Variants in CACNA2D3 observed in about 807,000 individuals in gnomAD.
CACNA2D3 encodes voltage-dependent calcium channel subunit alpha-2/delta-3.
CACNA2D3 carries 60 observed loss-of-function variants against 160.6 expected under a neutral mutation model. The observed-to-expected ratio is 0.37, with a 90% confidence interval of 0.30 to 0.46. CACNA2D3 has a LOEUF of 0.46. Among genes scored for constraint, CACNA2D3 ranks in the 20% least tolerant of loss-of-function variants. The pLI is 1.00. For missense variants in CACNA2D3, 1,205 were observed against 1,365.0 expected, an observed-to-expected ratio of 0.88 and a Z score of 1.85; for synonymous variants, 558 against 492.9, an observed-to-expected ratio of 1.13 and a Z score of -1.75.
chr3:54,831,875 T>A (rs532217367), intron 14 of CACNA2D3, among the ~76,000 whole-genome samples: 2 of 152,110 alleles, frequency 1.3e-5, no homozygotes, highest in Non-Finnish European at 2.9e-5. Context: ...AGAAAACTTA[T>A]TGGCTCAGGC....
intron 13 of CACNA2D3, among the ~76,000 whole-genome samples, chr3:54,789,571 A>G (rs1317838): frequency 0.043 from 6,584 of 152,280 alleles, 229 homozygotes; most frequent in Non-Finnish European, 0.062. Context: ...GGGAAAATCC[A>G]TGAAGCTATT....
At chr3:55,070,163 CTT>C (rs1440318936) in intron 35 of CACNA2D3, among the ~76,000 whole-genome samples, 1 of 152,122 alleles carries the variant, frequency 6.6e-6, no homozygotes, top group Admixed American at 6.5e-5. Flanking sequence ...AAACTACAGT[CTT>C]TTATGAGGGG....
intron 11 of CACNA2D3, among the ~76,000 whole-genome samples, chr3:54,661,891 T>TGTGTG (rs1575411653): frequency 1.4e-5 from 2 of 144,980 alleles, no homozygotes; most frequent in East Asian, 2.0e-4. Context: ...TGTGTGTGTG[T>TGTGTG]TAAAAAGATA....
intron 6 of CACNA2D3, among the ~76,000 whole-genome samples, chr3:54,563,790 A>C (rs1285454418): frequency 2.0e-5 from 3 of 152,130 alleles, no homozygotes; most frequent in Non-Finnish European, 2.9e-5. Context: ...AAGACTAGGC[A>C]CCTGATGCCT....
At chr3:54,231,721 GAAT>G (rs2107393379) in intron 2 of CACNA2D3, among the ~76,000 whole-genome samples, 1 of 152,330 alleles carries the variant, frequency 6.6e-6, no homozygotes, top group African/African-American at 2.4e-5. Flanking sequence ...TTGAATGAAT[GAAT>G]GTTTTTCACA....
chr3:54,284,346 A>G (rs541263743), intron 2 of CACNA2D3, among the ~76,000 whole-genome samples: 23 of 151,728 alleles, frequency 1.5e-4, no homozygotes, highest in Non-Finnish European at 2.9e-4. Flanking sequence ...TACTGATGTT[A>G]ATCTTATAGT....
chr3:54,192,724 T>G (rs926584425), intron 2 of CACNA2D3, among the ~76,000 whole-genome samples: 1 of 152,070 alleles, frequency 6.6e-6, no homozygotes, highest in African/African-American at 2.4e-5. Flanking sequence ...CTGCTGTAGA[T>G]TATTCTCTGG....
In CACNA2D3 at chr3:54,585,198, A is replaced by G. The variant is rs544447998; in HGVS notation, c.963+3321A>G. ...CTAACACCATCTGATGTGATACCCA[A>G]TGTTTATGGATGGAATACTTAAGAC... On this transcript the variant is annotated intron_variant, in intron 9 of 37. Transcript: ENST00000474759. Among the ~76,000 whole-genome samples, 7 of 152,334 alleles carry G rather than the reference A, an allele frequency of 4.6e-5. No individual in the cohort carries two copies. In the South Asian group the frequency reaches 1.2e-3, roughly 27 times the overall value.
chr3:54,195,087 G>A (rs956616348), intron 2 of CACNA2D3, among the ~76,000 whole-genome samples: 3 of 152,126 alleles, frequency 2.0e-5, no homozygotes, highest in Non-Finnish European at 4.4e-5. Context: ...CTTGAACCTC[G>A]GAGGGCATCC....
chr3:54,356,518 T>C (rs1405619255), intron 3 of CACNA2D3, among the ~76,000 whole-genome samples: 1 of 152,186 alleles, frequency 6.6e-6, no homozygotes, highest in Non-Finnish European at 1.5e-5. Context: ...TGGCAGCCAC[T>C]CTTAGGCACT....
chr3:54,455,266 T>C (rs1321492243), intron 4 of CACNA2D3, among the ~76,000 whole-genome samples: 1 of 152,100 alleles, frequency 6.6e-6, no homozygotes, highest in Non-Finnish European at 1.5e-5. Context: ...TTGCTTTTTT[T>C]GTCTTTTTGA....
chr3:54,256,510 A>G (rs566646456), intron 2 of CACNA2D3, among the ~76,000 whole-genome samples: 149 of 152,312 alleles, frequency 9.8e-4, no homozygotes, highest in African/African-American at 3.4e-3. Flanking sequence ...TTATAAATCA[A>G]TAGGCATTTG....
intron 13 of CACNA2D3, among the ~76,000 whole-genome samples, chr3:54,785,067 G>A (rs538823406): frequency 1.3e-5 from 2 of 152,310 alleles, no homozygotes; most frequent in Admixed American, 1.3e-4. Flanking sequence ...TAACTGCACA[G>A]CTGCAAACAC....
chr3:54,129,078 A>G (rs1322028962), intron 2 of CACNA2D3, among the ~76,000 whole-genome samples: 4 of 148,794 alleles, frequency 2.7e-5, no homozygotes, highest in African/African-American at 9.9e-5. Context: ...GATATGAGGA[A>G]GAGGAGGATG....
At position 54,444,975 on chromosome 3, in the gene CACNA2D3, C is replaced by T; in HGVS notation, c.381+58201C>T. Among the ~76,000 whole-genome samples, 2 of 152,250 alleles carry T rather than the reference C, an allele frequency of 1.3e-5. 1 individual carries two copies. The highest frequency in any genetic ancestry group is 2.9e-5 in the Non-Finnish European group (2 of 68,048). On this transcript the variant is annotated intron_variant, in intron 4 of 37. Transcript: ENST00000474759. ...TTCTCATTTCTACCCTCTCCCAACC[C>T]CCTTAAACAGAGTGAGCCTCTTCCT...
At chr3:54,441,662 TTTGTATAAG>T (rs1700146819) in intron 4 of CACNA2D3, among the ~76,000 whole-genome samples, 1 of 152,222 alleles carries the variant, frequency 6.6e-6, no homozygotes, top group South Asian at 2.1e-4. Flanking sequence ...TGAATTAATT[TTTGTATAAG>T]GTGTATAATT....
chr3:54,530,399 T>G (rs1279019314), intron 5 of CACNA2D3, among the ~76,000 whole-genome samples: 3 of 152,106 alleles, frequency 2.0e-5, no homozygotes, highest in Non-Finnish European at 4.4e-5. Flanking sequence ...GTGATTAAGT[T>G]GAGAGGGAAT....
At chr3:54,587,687 A>G (rs1167039462) in intron 9 of CACNA2D3, among the ~76,000 whole-genome samples, 2 of 152,206 alleles carry the variant, frequency 1.3e-5, no homozygotes, top group Non-Finnish European at 2.9e-5. Flanking sequence ...ATTGTAAACA[A>G]CTTTACACTC....
chr3:54,898,701 A>G (rs2106885292), intron 26 of CACNA2D3, among the ~76,000 whole-genome samples: 1 of 152,340 alleles, frequency 6.6e-6, no homozygotes, highest in Non-Finnish European at 1.5e-5. Flanking sequence ...TGATTCTGGA[A>G]TCATCGAGTT....
Sources: gnomAD v4.1 joint callset for allele counts (sites outside exome capture counted in the v4.1 genomes callset) on GRCh38, gnomAD v4.1.1 for gene constraint, MANE v1.5 for transcripts, NCBI Gene and HGNC (gene_info 2026-07-23, HGNC 2026-07-21) for gene names.